The following CA9 variants were observed in gnomAD, a reference collection of about 807,000 sequenced individuals.
The protein encoded by CA9 is carbonic anhydrase 9, also known as CA-IX.
Under a neutral mutation model 51.8 loss-of-function variants are expected in CA9, and 43 were observed. The ratio of observed to expected loss-of-function variants is 0.83; its 90% CI spans 0.65 to 1.07. The LOEUF is 1.07. Ranked by LOEUF, CA9 falls within the 50% of genes least tolerant of loss-of-function variation. The probability of loss-of-function intolerance (pLI) is 0.00; values close to 1 mark genes in which losing one functional copy is unlikely to be tolerated. For missense variants in CA9, 574 were observed against 581.4 expected (o/e 0.99, Z 0.13); for synonymous variants, 253 against 244.2 (o/e 1.04, Z -0.34).
intron 5 of CA9, among the ~76,000 whole-genome samples, chr9:35,677,024 T>C (rs2131837461): frequency 6.6e-6 from 1 of 152,164 alleles, no homozygotes; most frequent in South Asian, 2.1e-4. Flanking sequence ...AGCTAATTTT[T>C]TTTTGTATTT....
In CA9 at chr9:35,673,935, G is replaced by A; in HGVS notation, c.-25G>A. The A allele has an allele frequency of 6.4e-7, 1 of 1,571,068 alleles. No individual in the cohort carries two copies. The highest frequency in any genetic ancestry group is 8.6e-7 in the Non-Finnish European group (1 of 1,158,144). On this transcript the variant is annotated 5_prime_UTR_variant, in exon 1 of 11. Transcript: ENST00000378357. Reference sequence around the variant, plus strand: ...CACGTACAGCCCGTACACACCGTGTGCTGGGACACCCCACAGTCAGCCGCA... The same window carrying A: ...CACGTACAGCCCGTACACACCGTGTACTGGGACACCCCACAGTCAGCCGCA...
At chr9:35,675,458 T>G in intron 1 of CA9, 80 bp from the exon 2 acceptor site, 1 of 1,516,104 alleles carries the variant, frequency 6.6e-7, no homozygotes. Flanking sequence ...GTAAGGCATC[T>G]GCGTTTGTGA....
rs1330010599 is a variant in CA9 at position 35,677,841 on chromosome 9, G to A, written c.892G>A (p.Glu298Lys). The A allele has an allele frequency of 6.2e-7, 1 of 1,613,990 alleles. No homozygotes were observed. Among genetic ancestry groups the A allele is most frequent in the Non-Finnish European group, 8.5e-7 (1 of 1,179,956 alleles). Residue 298 changes from glutamate (E) to lysine (K), a missense_variant, in exon 6 of 11, where the codon GAA (glutamate) becomes AAA (lysine). Transcript: ENST00000378357. The stretch of plus-strand genomic sequence containing the variant: ...TGAGCAGTTGCTGTCTCGCTTGGAA[G>A]AAATCGCTGAGGAAGGTCAGTTTGT... ...AYEQLLSRLE[E>K]IAEEGSETQV...
rs529646420 is a variant in CA9, at chr9:35,679,519, G to A, written c.1065+177G>A. 5.3e-5 allele frequency among the ~76,000 whole-genome samples: 8 copies of A among 151,948 alleles called. No individual in the cohort carries two copies. In the East Asian group the frequency reaches 5.9e-4, roughly 11 times the overall value. On this transcript the variant is annotated intron_variant, in intron 7 of 10. Coordinates refer to ENST00000378357, the MANE Select transcript of CA9 (RefSeq NM_001216.3). ...TGAGCCCAGGAGTTCAAGACAAGGC[G>A]GGGCAACATAGTGTGACCCCATCTC... is the stretch of plus-strand genomic sequence containing the variant.
chr9:35,675,405 T>C, intron 1 of CA9, 133 bp from the exon 2 acceptor site: 1 of 979,438 alleles, frequency 1.0e-6, no homozygotes, highest in Non-Finnish European at 1.6e-6. Flanking sequence ...TCCTGTGCTT[T>C]GCACCTGGCC....
chr9:35,680,496 G>C (rs1419320330), intron 9 of CA9, among the ~76,000 whole-genome samples: 1 of 152,166 alleles, frequency 6.6e-6, no homozygotes, highest in Non-Finnish European at 1.5e-5. Context: ...TCAAAGCACT[G>C]GGACTGTAGG....
intron 5 of CA9, among the ~76,000 whole-genome samples, chr9:35,677,420 G>C (rs910524913): frequency 3.3e-5 from 5 of 152,162 alleles, no homozygotes; most frequent in Non-Finnish European, 7.3e-5. Flanking sequence ...TATGTACGGA[G>C]GCAGCAGTGA....
rs138926737 is a variant in CA9 at position 35,675,437 on chromosome 9, G to C, written c.404-101G>C. 4.4e-3 allele frequency: 5,971 copies of C among 1,344,548 alleles called. 26 individuals carry two copies. Among genetic ancestry groups the C allele is most frequent in the Non-Finnish European group, 4.8e-3 (4,502 of 936,340 alleles). The allele number at this position is 1,344,548 out of a possible 1,614,324, so 83.3% of individuals were successfully genotyped here. A position where few individuals can be genotyped will look rare whatever the true frequency, so the allele number is the denominator to read the frequency against. On this transcript the variant is annotated intron_variant, in intron 1 of 10. Transcript: ENST00000378357. ...GGCCCGCTTAAGGCATTTGTTACCC[G>C]TAATGCTCCTGTAAGGCATCTGCGT...
chr9:35,675,965 G>C, intron 3 of CA9, 34 bp downstream of exon 3: 1 of 1,600,756 alleles, frequency 6.2e-7, no homozygotes, highest in South Asian at 1.1e-5. Context: ...CTTGGGGATG[G>C]GGCGGGGCGC....
intron 7 of CA9, 41 bp from the exon 8 acceptor site, chr9:35,679,813 C>A: frequency 6.5e-7 from 1 of 1,536,490 alleles, no homozygotes; most frequent in South Asian, 1.3e-5. Context: ...TGTTTCCTGT[C>A]ATGCCATGAA....
intron 6 of CA9, among the ~76,000 whole-genome samples, chr9:35,678,244 G>A (rs1179377226): frequency 2.0e-5 from 3 of 151,700 alleles, no homozygotes; most frequent in African/African-American, 7.3e-5. Context: ...TACTCGGGAG[G>A]CTGAGGCAGG....
rs1265724493 is a variant in CA9, at chr9:35,676,312, C to T, written c.763C>T (p.Leu255Phe). ...TCCTTTTCAGATCCACGTGGTTCAC[C>T]TCAGCACCGCCTTTGCCAGAGTTGA... ...RFPAEIHVVH[L>F]STAFARVDEA... The change falls in exon 5 of 11, where the codon CTC (leucine) becomes TTC (phenylalanine). Residue 255 changes from leucine to phenylalanine, a missense_variant. Coordinates refer to ENST00000378357, the MANE Select transcript of CA9 (RefSeq NM_001216.3). The T allele has an allele frequency of 1.2e-6, 2 of 1,614,142 alleles. No individual in the cohort carries two copies. The highest frequency in any genetic ancestry group is 1.7e-6 in the Non-Finnish European group (2 of 1,180,038).
Position 35,677,817 on chromosome 9 carries a change from G to C in CA9, c.868G>C (p.Glu290Gln). The change falls in exon 6 of 11, where the codon GAG (glutamate) becomes CAG (glutamine). Residue 290 changes from glutamate to glutamine, a missense_variant. Physicochemically the swap from Glu to Gln is conservative, Grantham distance 29. Coordinates refer to ENST00000378357, the MANE Select transcript of CA9 (RefSeq NM_001216.3). ...EEGPEENSAYEQLLSRLEEIA... is the reference protein window; with the variant it reads ...EEGPEENSAYQQLLSRLEEIA... Reference sequence around the variant, plus strand: ...GGGCCCGGAAGAAAACAGTGCCTATGAGCAGTTGCTGTCTCGCTTGGAAGA... The same window carrying C: ...GGGCCCGGAAGAAAACAGTGCCTATCAGCAGTTGCTGTCTCGCTTGGAAGA... 1 of 1,614,138 alleles carries C rather than the reference G, an allele frequency of 6.2e-7. No homozygotes were observed. Among genetic ancestry groups the C allele is most frequent in the Non-Finnish European group, 8.5e-7 (1 of 1,179,984 alleles).
At chr9:35,679,548 C>CA (rs5897612) in intron 7 of CA9, among the ~76,000 whole-genome samples, 48,802 of 151,756 alleles carry the variant, frequency 0.32, 8,755 homozygotes, top group East Asian at 0.6. Flanking sequence ...CCATCTCTAC[C>CA]AAAAAAACCC....
intron 5 of CA9, 56 bp downstream of exon 5, chr9:35,676,445 G>A (rs1170632669): frequency 1.4e-6 from 2 of 1,421,248 alleles, no homozygotes; most frequent in Non-Finnish European, 2.0e-6. Context: ...GCTCCTCCCG[G>A]ACTCTATCGT....
In CA9 at chr9:35,676,467, C is replaced by A. The variant is rs893605166; in HGVS notation, c.840+78C>A. 1.2e-5 allele frequency: 15 copies of A among 1,202,622 alleles called. No individual in the cohort carries two copies. The African/African-American group carries it at 2.3e-4, about 18-fold the overall frequency. The allele number at this position is 1,202,622 out of a possible 1,614,324, so 74.5% of individuals were successfully genotyped here. On this transcript the variant is annotated intron_variant, in intron 5 of 10. Coordinates refer to ENST00000378357, the MANE Select transcript of CA9 (RefSeq NM_001216.3). ...CCGGACTCTATCGTGGAGCCAGAGACCCCATCCCAGCAAGCTCACTCAGGC... is the reference window on the plus strand; with the variant it reads ...CCGGACTCTATCGTGGAGCCAGAGAACCCATCCCAGCAAGCTCACTCAGGC...
intron 6 of CA9, among the ~76,000 whole-genome samples, chr9:35,678,949 T>G (rs1158782292): frequency 6.6e-6 from 1 of 152,054 alleles, no homozygotes; most frequent in African/African-American, 2.4e-5. Context: ...CCTCCCACCT[T>G]CCCTTCTCTC....
At position 35,679,922 on chromosome 9, in the gene CA9, G is replaced by A. The variant is rs761778575; in HGVS notation, c.1134G>A (p.Thr378=). Residue 378 remains threonine, a synonymous_variant, in exon 8 of 11, where the codon ACG becomes ACA. Coordinates refer to ENST00000378357, the MANE Select transcript of CA9 (RefSeq NM_001216.3). The stretch of plus-strand genomic sequence containing the variant: ...GGCTACAGCTGAACTTCCGAGCGAC[G>A]CAGCCTTTGAATGGGCGAGTGATTG... The part of the protein sequence containing the change: ...DSRLQLNFRA[T]QPLNGRVIEA... The A allele has an allele frequency of 4.7e-5, 76 of 1,613,832 alleles. No homozygotes were observed. Among genetic ancestry groups the A allele is most frequent in the Admixed American group, 6.7e-5 (4 of 59,938 alleles).
chr9:35,681,062 G>A lies in CA9; in HGVS notation c.*37G>A, dbSNP rs373207249. 2 of 1,585,260 alleles carry A rather than the reference G, an allele frequency of 1.3e-6. No individual in the cohort carries two copies. Among genetic ancestry groups the A allele is most frequent in the African/African-American group, 1.3e-5 (1 of 74,232 alleles). On this transcript the variant is annotated 3_prime_UTR_variant, in exon 11 of 11. Coordinates refer to ENST00000378357, the MANE Select transcript of CA9 (RefSeq NM_001216.3). Reference sequence around the variant, plus strand: ...TGGAGAATGTGAGAAGCCAGCCAGAGGCATCTGAGGGGGAGCCGGTAACTG... The same window carrying A: ...TGGAGAATGTGAGAAGCCAGCCAGAAGCATCTGAGGGGGAGCCGGTAACTG...
Sources: allele counts gnomAD v4.1 joint callset (sites outside exome capture counted in the v4.1 genomes callset), GRCh38; gene constraint gnomAD v4.1.1; transcripts MANE v1.5; gene names NCBI Gene and HGNC (gene_info 2026-07-23, HGNC 2026-07-21).